Variants in NCKAP5 observed in about 807,000 individuals in gnomAD.
NCKAP5 encodes nck-associated protein 5.
Under a neutral mutation model 167.0 loss-of-function variants are expected in NCKAP5, and 92 were observed. That is an observed-to-expected ratio of 0.55 (90% CI 0.47 to 0.66). The LOEUF is 0.66. NCKAP5 is among the 30% of genes least tolerant of loss of function. The pLI is 0.00. For synonymous variants in NCKAP5, 891 were observed against 877.4 expected (o/e 1.02, Z -0.27); for missense variants, 2,378 against 2,315.0 (o/e 1.03, Z -0.56).
rs567471251 is a variant in NCKAP5 at position 132,781,174 on chromosome 2, T to C, written c.4927A>G (p.Arg1643Gly). 3 of 1,613,994 alleles carry C rather than the reference T, an allele frequency of 1.9e-6. No individual in the cohort carries two copies. The highest frequency in any genetic ancestry group is 4.5e-5 in the East Asian group (2 of 44,880). The part of the protein sequence containing the change: ...TESGSSNASC[R>G]NVLKGSSQGS... ...TGAGAACTGCCCTTTAACACATTCC[T>C]GCAGGAAGCATTACTTGATCCACTT... Residue 1643 changes from arginine to glycine, a missense_variant, in exon 15 of 20, where the codon AGG becomes GGG. Arg to Gly is a moderately radical substitution (Grantham distance 125). Coordinates refer to ENST00000409261, the MANE Select transcript of NCKAP5 (RefSeq NM_207363.3).
chr2:133,671,167 A>G, the NCKAP5 span, among the ~76,000 whole-genome samples: 55,169 of 144,736 alleles, frequency 0.38, 11,335 homozygotes, highest in South Asian at 0.48. Flanking sequence ...GCGAGCCAAG[A>G]TCGTGCCATT....
rs1335908502 is a variant in NCKAP5 at position 132,848,119 on chromosome 2, A to G, written c.807+12373T>C. Among the ~76,000 whole-genome samples, 3 of 152,234 alleles carry G rather than the reference A, an allele frequency of 2.0e-5. No individual in the cohort carries two copies. In the East Asian group the frequency reaches 5.8e-4, roughly 29 times the overall value. On this transcript the variant is annotated intron_variant, in intron 11 of 19. Transcript: ENST00000409261. ...AGTCTGGTCAGAGACCAGAAGCAAA[A>G]TTTAGCTACTGAAAAGAACAGTATG...
chr2:132,929,116 A>G (rs1267841515), intron 8 of NCKAP5, among the ~76,000 whole-genome samples: 3 of 152,230 alleles, frequency 2.0e-5, no homozygotes, highest in Non-Finnish European at 4.4e-5. Flanking sequence ...GGACACAGCA[A>G]GCAAGAAGGC....
chr2:133,003,627 C>A (rs1264357525), intron 6 of NCKAP5, among the ~76,000 whole-genome samples: 1 of 152,194 alleles, frequency 6.6e-6, no homozygotes, highest in East Asian at 1.9e-4. Context: ...CTGAAAACTG[C>A]ACTGAAACAG....
At chr2:133,650,583 G>T in the NCKAP5 span, among the ~76,000 whole-genome samples, 3 of 152,096 alleles carry the variant, frequency 2.0e-5, no homozygotes, top group Non-Finnish European at 4.4e-5. Flanking sequence ...GTTTAATAAA[G>T]GTTCCAGGAG....
Position 132,783,179 on chromosome 2 carries a change from G to A in NCKAP5, c.3632C>T (p.Pro1211Leu), listed in dbSNP as rs747116383. 11 of 1,613,692 alleles carry A rather than the reference G, an allele frequency of 6.8e-6. No individual in the cohort carries two copies. The highest frequency in any genetic ancestry group is 4.0e-5 in the African/African-American group (3 of 74,906). The change falls in exon 14 of 20, where the codon CCG (proline) becomes CTG (leucine). Residue 1211 changes from proline (P) to leucine (L), a missense_variant. Around this residue, in one of 3 missense-constraint regions of NCKAP5, gnomAD observed 1,325 missense variants for 1,274.5 expected, o/e 1.04. Coordinates refer to ENST00000409261, the MANE Select transcript of NCKAP5 (RefSeq NM_207363.3). ...TAAACTGCCCTGTGCTTGTGAATCC[G>A]GTAGGGTCACATTTCTTTCACCCGC... The part of the protein sequence containing the change: ...ITAGERNVTL[P>L]DSQAQGSLAD...
the NCKAP5 span, among the ~76,000 whole-genome samples, chr2:133,611,496 C>T: frequency 6.6e-6 from 1 of 152,150 alleles, no homozygotes; most frequent in African/African-American, 2.4e-5. Context: ...TGTGTTTTCA[C>T]TTATTTGCTT....
At chr2:133,268,435 C>T (rs2089343674) in intron 4 of NCKAP5, 1 of 149,608 alleles carries the variant, frequency 6.7e-6, no homozygotes, top group Admixed American at 6.7e-5. Context: ...TCCCAGTAAG[C>T]AAATCATGTA....
the NCKAP5 span, among the ~76,000 whole-genome samples, chr2:133,643,388 T>A: frequency 2.0e-5 from 3 of 152,192 alleles, no homozygotes; most frequent in Non-Finnish European, 4.4e-5. Context: ...CTTCTCTGAC[T>A]AGCAAACTTT....
At chr2:133,440,771 G>A (rs1442556327) in intron 3 of NCKAP5, among the ~76,000 whole-genome samples, 1 of 149,146 alleles carries the variant, frequency 6.7e-6, no homozygotes, top group Non-Finnish European at 1.5e-5. Flanking sequence ...AATGGAGTAT[G>A]GTGCTCATTG....
chr2:132,904,055 G>T (rs536937899), intron 8 of NCKAP5, among the ~76,000 whole-genome samples: 1 of 152,116 alleles, frequency 6.6e-6, no homozygotes, highest in Non-Finnish European at 1.5e-5. Flanking sequence ...TTGGGAGGCT[G>T]AGGCAGGCGG....
chr2:133,309,380 G>C (rs1681069023), intron 3 of NCKAP5, among the ~76,000 whole-genome samples: 1 of 152,060 alleles, frequency 6.6e-6, no homozygotes, highest in African/African-American at 2.4e-5. Context: ...TTATTCTAAA[G>C]CTAGGCTCAT....
chr2:133,547,005 A>G (rs1686750563), intron 2 of NCKAP5, among the ~76,000 whole-genome samples: 1 of 152,156 alleles, frequency 6.6e-6, no homozygotes, highest in South Asian at 2.1e-4. Context: ...CAGTGGGCGC[A>G]GGCCAGTGGG....
chr2:133,541,918 C>G (rs1307725420), intron 2 of NCKAP5, among the ~76,000 whole-genome samples: 1 of 152,098 alleles, frequency 6.6e-6, no homozygotes, highest in African/African-American at 2.4e-5. Flanking sequence ...GCCTCCAAAA[C>G]AGTTTCTCCC....
At chr2:132,901,616 C>T (rs976354287) in intron 8 of NCKAP5, among the ~76,000 whole-genome samples, 1 of 152,086 alleles carries the variant, frequency 6.6e-6, no homozygotes, top group Non-Finnish European at 1.5e-5. Context: ...AAGATTGTGT[C>T]AACAGAATAT....
chr2:133,219,746 C>T (rs764073072), intron 4 of NCKAP5, among the ~76,000 whole-genome samples: 26 of 150,772 alleles, frequency 1.7e-4, no homozygotes, highest in African/African-American at 3.7e-4. Context: ...TGCATGAAAA[C>T]GTTATTTTTG....
chr2:133,379,346 C>A (rs997281775), intron 3 of NCKAP5, among the ~76,000 whole-genome samples: 6 of 152,116 alleles, frequency 3.9e-5, no homozygotes, highest in Admixed American at 3.9e-4. Context: ...CTCGGAGAGA[C>A]AATCATTTTC....
At chr2:132,862,860 T>C (rs1039149020) in intron 10 of NCKAP5, among the ~76,000 whole-genome samples, 5 of 152,116 alleles carry the variant, frequency 3.3e-5, no homozygotes, top group Non-Finnish European at 7.4e-5. Flanking sequence ...TCACTCTTGT[T>C]GTCCAGGCTG....
intron 5 of NCKAP5, among the ~76,000 whole-genome samples, chr2:133,149,633 T>G (rs1162138301): frequency 6.6e-6 from 1 of 152,186 alleles, no homozygotes; most frequent in Admixed American, 6.5e-5. Flanking sequence ...CCTGCTGAAA[T>G]GGTGATTTGT....
Sources: gnomAD v4.1 joint callset for allele counts (sites outside exome capture counted in the v4.1 genomes callset) on GRCh38, gnomAD v4.1.1 for gene constraint, gnomAD v4.1.1 regional missense constraint, MANE v1.5 for transcripts, NCBI Gene and HGNC (gene_info 2026-07-23, HGNC 2026-07-21) for gene names.